The following DCUN1D4 variants were observed in gnomAD, a reference collection of about 807,000 sequenced individuals.
The protein encoded by DCUN1D4 is defective in cullin neddylation 1 domain containing 4.
Under a neutral mutation model 47.9 loss-of-function variants are expected in DCUN1D4, and 22 were observed. The ratio of observed to expected loss-of-function variants is 0.46; its 90% CI spans 0.33 to 0.66. The LOEUF (loss-of-function observed/expected upper bound fraction) is 0.66. Ranked by LOEUF, DCUN1D4 falls within the 30% of genes least tolerant of loss-of-function variation. DCUN1D4 has a pLI of 0.02. For missense variants in DCUN1D4, 301 were observed against 340.8 expected (o/e 0.88, Z 0.92); for synonymous variants, 121 against 112.2 (o/e 1.08, Z -0.50).
At chr4:51,893,465 G>A (rs771007449) in intron 7 of DCUN1D4, among the ~76,000 whole-genome samples, 18 of 149,652 alleles carry the variant, frequency 1.2e-4, no homozygotes, top group Non-Finnish European at 2.5e-4. Context: ...TCCCTCTGTC[G>A]CCCAGGCTGG....
chr4:51,899,215 A>T, intron 7 of DCUN1D4, 55 bp from the exon 8 acceptor site: 1 of 1,479,494 alleles, frequency 6.8e-7, no homozygotes, highest in Non-Finnish European at 8.9e-7. Flanking sequence ...TGCCTCTATT[A>T]AAAAAATAAA....
chr4:51,870,331 T>TA (rs374532181), intron 3 of DCUN1D4, among the ~76,000 whole-genome samples: 6 of 152,154 alleles, frequency 3.9e-5, no homozygotes, highest in East Asian at 1.9e-4. Context: ...ATTTTTATCA[T>TA]AAAAAAATCA....
chr4:51,913,486 T>TTAG (rs1401167715), intron 10 of DCUN1D4, 43 bp from the exon 11 acceptor site: 2 of 1,494,842 alleles, frequency 1.3e-6, no homozygotes, highest in Non-Finnish European at 1.8e-6. Flanking sequence ...ATTATTATTG[T>TTAG]TATTATTATT....
intron 5 of DCUN1D4, among the ~76,000 whole-genome samples, chr4:51,880,716 C>G (rs1214220120): frequency 6.6e-6 from 1 of 152,118 alleles, no homozygotes; most frequent in Non-Finnish European, 1.5e-5. Flanking sequence ...TAGGTGTACT[C>G]CCTTTCACAC....
At chr4:51,911,283 G>A in intron 9 of DCUN1D4, 109 bp downstream of exon 9, 3 of 990,068 alleles carry the variant, frequency 3.0e-6, no homozygotes, top group Non-Finnish European at 4.6e-6. Flanking sequence ...TTCTGCCTAT[G>A]TAGGAATTAC....
Position 51,913,580 on chromosome 4 carries a change from C to T in DCUN1D4, c.875C>T (p.Ser292Phe). 1 of 1,611,706 alleles carries T rather than the reference C, an allele frequency of 6.2e-7. No homozygotes were observed. Among genetic ancestry groups the T allele is most frequent in the East Asian group, 2.2e-5 (1 of 44,794 alleles). The change falls in exon 11 of 11, where the codon TCC becomes TTC. Residue 292 changes from serine to phenylalanine, a missense_variant. Ser to Phe is a radical substitution (Grantham distance 155). This residue lies in a region of DCUN1D4 where 170 missense variants were observed against 234.5 expected (regional missense o/e 0.73). Transcript: ENST00000334635. ...FVEWYKDKQM[S>F] ...GAGTGGTATAAAGACAAACAGATGT[C>T]CTAGGACTTTATGCATAGCAGCGAG...
Position 51,914,453 on chromosome 4 carries a change from A to G in DCUN1D4, c.*869A>G, listed in dbSNP as rs1044300514. 5 of 152,494 alleles carry G rather than the reference A, an allele frequency of 3.3e-5. No individual in the cohort carries two copies. The highest frequency in any genetic ancestry group is 9.7e-5 in the African/African-American group (4 of 41,422). The allele number at this position is 152,494 out of a possible 1,614,324, so 9.4% of individuals were successfully genotyped here. On this transcript the variant is annotated 3_prime_UTR_variant, in exon 11 of 11. Transcript: ENST00000334635. ...AAGTAAAATTTATTTCACCTCCTCAATGAAAACCTCATGGTTTTGCTGGCT... is the reference window on the plus strand; with the variant it reads ...AAGTAAAATTTATTTCACCTCCTCAGTGAAAACCTCATGGTTTTGCTGGCT...
chr4:51,909,788 C>A (rs899806041), intron 8 of DCUN1D4, among the ~76,000 whole-genome samples: 1 of 152,150 alleles, frequency 6.6e-6, no homozygotes, highest in African/African-American at 2.4e-5. Flanking sequence ...CATGGACAGT[C>A]GTTACACTTC....
the DCUN1D4 span, among the ~76,000 whole-genome samples, chr4:51,835,631 C>T: frequency 5.3e-5 from 8 of 151,988 alleles, no homozygotes; most frequent in Non-Finnish European, 1.2e-4. Flanking sequence ...CTAAGACTAG[C>T]CTGTGGGGTG....
chr4:51,846,936 G>A (rs986227149), intron 1 of DCUN1D4, among the ~76,000 whole-genome samples: 2 of 152,166 alleles, frequency 1.3e-5, no homozygotes, highest in Non-Finnish European at 2.9e-5. Context: ...GGGAAGGAAG[G>A]TGCATATTTC....
chr4:51,880,770 G>A (rs943735908), intron 5 of DCUN1D4, among the ~76,000 whole-genome samples: 3 of 152,162 alleles, frequency 2.0e-5, no homozygotes, highest in East Asian at 3.9e-4. Context: ...GATCGGCTGG[G>A]AGGTTCAGGG....
chr4:51,866,914 G>C (rs1047762680), intron 3 of DCUN1D4, among the ~76,000 whole-genome samples: 1 of 152,170 alleles, frequency 6.6e-6, no homozygotes, highest in African/African-American at 2.4e-5. Context: ...GCCTGTGTCT[G>C]CTGGGCTCCT....
intron 5 of DCUN1D4, 130 bp from the exon 6 acceptor site, chr4:51,886,438 G>T (rs1729484594): frequency 1.5e-6 from 1 of 671,480 alleles, no homozygotes; most frequent in East Asian, 2.9e-5. Context: ...TTTCAACTTA[G>T]ACTTGATTTT....
At position 51,913,562 on chromosome 4, in the gene DCUN1D4, A is replaced by C. The variant is rs765661497; in HGVS notation, c.857A>C (p.Tyr286Ser). 1 of 1,612,844 alleles carries C rather than the reference A, an allele frequency of 6.2e-7. No homozygotes were observed. The highest frequency in any genetic ancestry group is 2.2e-5 in the East Asian group (1 of 44,858). Residue 286 changes from tyrosine (Y) to serine (S), a missense_variant, in exon 11 of 11, where the codon TAT (tyrosine) becomes TCT (serine). Physicochemically the swap from Tyr to Ser is moderately radical, Grantham distance 144. This residue lies in a region of DCUN1D4 where 170 missense variants were observed against 234.5 expected (regional missense o/e 0.73). Coordinates refer to ENST00000334635, the MANE Select transcript of DCUN1D4 (RefSeq NM_001040402.3). ...TTGTTGGACGAGTTTGTGGAGTGGT[A>C]TAAAGACAAACAGATGTCCTAGGAC... is the stretch of plus-strand genomic sequence containing the variant. The part of the protein sequence containing the change: ...PVLLDEFVEW[Y>S]KDKQMS
Position 51,843,634 on chromosome 4 carries a change from G to T in DCUN1D4, c.25+367G>T, listed in dbSNP as rs567737774. On this transcript the variant is annotated intron_variant, in intron 1 of 10. Transcript: ENST00000334635. ...CTGTAGCGGGCAGGGCCGGGGATGT[G>T]GGGGGGTGGCACCGGCGGGGAGAGG... 342 of 1,253,986 alleles carry T rather than the reference G, an allele frequency of 2.7e-4. 1 individual carries two copies. The highest frequency in any genetic ancestry group is 3.3e-4 in the Non-Finnish European group (330 of 1,003,640). The allele number at this position is 1,253,986 out of a possible 1,614,324, so 77.7% of individuals were successfully genotyped here.
chr4:51,844,539 C>T (rs1376275365), intron 1 of DCUN1D4: 5 of 341,454 alleles, frequency 1.5e-5, no homozygotes, highest in African/African-American at 4.5e-5. Context: ...GTGTCGGGGT[C>T]CCTGGCAGTC....
chr4:51,834,060 C>CTA, the DCUN1D4 span, among the ~76,000 whole-genome samples: 2 of 136,376 alleles, frequency 1.5e-5, no homozygotes, highest in African/African-American at 6.1e-5. Context: ...CTCTCTCTCT[C>CTA]TCTCTCTCTC....
chr4:51,875,356 A>G (rs1216731878), intron 4 of DCUN1D4: 1 of 152,228 alleles, frequency 6.6e-6, no homozygotes, highest in Non-Finnish European at 1.5e-5. Flanking sequence ...GAATTGTTAA[A>G]TTCTAACAAT....
the DCUN1D4 span, among the ~76,000 whole-genome samples, chr4:51,834,042 TTCTCTCTCTCTCTCTCTCTCTCTC>T: frequency 3.5e-4 from 18 of 51,882 alleles, 1 homozygote; most frequent in African/African-American, 1.7e-3. Flanking sequence ...TTAGGAGTCT[TTCTCTCTCTCTCTCTCTCTCTCTC>T]TCTCTCTCTC....
Sources: allele counts gnomAD v4.1 joint callset (sites outside exome capture counted in the v4.1 genomes callset), GRCh38; gene constraint gnomAD v4.1.1; regional missense constraint gnomAD v4.1.1; transcripts MANE v1.5; gene names NCBI Gene and HGNC (gene_info 2026-07-23, HGNC 2026-07-21).